The following ATXN1 variants were observed in gnomAD, a reference collection of about 807,000 sequenced individuals.
ATXN1 encodes the protein ataxin-1.
Under a neutral mutation model 56.4 loss-of-function variants are expected in ATXN1, and 8 were observed. That is an observed-to-expected ratio of 0.14 (90% CI 0.08 to 0.26). ATXN1 has a LOEUF of 0.26. Ranked by LOEUF, ATXN1 falls within the 10% of genes least tolerant of loss-of-function variation. The pLI, the probability that ATXN1 is intolerant of heterozygous loss-of-function variation, is 1.00. For synonymous variants in ATXN1, 514 were observed against 494.6 expected (o/e 1.04, Z -0.52); for missense variants, 987 against 1,106.5 (o/e 0.89, Z 1.53).
intron 3 of ATXN1, among the ~76,000 whole-genome samples, chr6:16,640,809 G>A (rs1763694743): frequency 6.6e-6 from 1 of 152,150 alleles, no homozygotes; most frequent in Non-Finnish European, 1.5e-5. Flanking sequence ...AACTAGAAAT[G>A]ATTAAGCTTA....
intron 6 of ATXN1, among the ~76,000 whole-genome samples, chr6:16,374,181 C>T (rs1174275391): frequency 7.1e-6 from 1 of 141,292 alleles, no homozygotes; most frequent in Non-Finnish European, 1.5e-5. Context: ...TAAAAAGGAA[C>T]TTACAATCCA....
chr6:16,639,007 T>C (rs1026907591), intron 3 of ATXN1, among the ~76,000 whole-genome samples: 1 of 152,218 alleles, frequency 6.6e-6, no homozygotes, highest in Non-Finnish European at 1.5e-5. Flanking sequence ...GATTGTAAAA[T>C]GCACCAATGA....
intron 2 of ATXN1, among the ~76,000 whole-genome samples, chr6:16,684,060 T>C (rs1322755919): frequency 6.6e-6 from 1 of 152,186 alleles, no homozygotes; most frequent in African/African-American, 2.4e-5. Flanking sequence ...ATCCAGCCCA[T>C]GATCACGCTT....
At chr6:16,309,382 G>A (rs945825146) in intron 7 of ATXN1, among the ~76,000 whole-genome samples, 1 of 151,994 alleles carries the variant, frequency 6.6e-6, no homozygotes, top group African/African-American at 2.4e-5. Flanking sequence ...TTCAGGAACT[G>A]GATTCTCTAA....
intron 2 of ATXN1, among the ~76,000 whole-genome samples, chr6:16,749,623 T>C (rs1366498684): frequency 6.6e-6 from 1 of 152,058 alleles, no homozygotes; most frequent in East Asian, 1.9e-4. Flanking sequence ...ACCCAACTCC[T>C]CCAGCCACCC....
chr6:16,514,409 G>C (rs1329652197), intron 5 of ATXN1, among the ~76,000 whole-genome samples: 2 of 152,186 alleles, frequency 1.3e-5, no homozygotes, highest in East Asian at 3.8e-4. Flanking sequence ...GCAGGAGAGA[G>C]ACAGTTCTCA....
chr6:16,665,947 T>C (rs1489187067), intron 2 of ATXN1, among the ~76,000 whole-genome samples: 1 of 152,254 alleles, frequency 6.6e-6, no homozygotes, highest in Admixed American at 6.5e-5. Flanking sequence ...CAAATCAAGG[T>C]ATTTGGGATA....
chr6:16,497,654 T>A (rs1313974153), intron 5 of ATXN1, among the ~76,000 whole-genome samples: 2 of 152,182 alleles, frequency 1.3e-5, no homozygotes, highest in South Asian at 2.1e-4. Context: ...TTGGTGACAG[T>A]GCAATGGACG....
In ATXN1 at chr6:16,306,767, A is replaced by G; in HGVS notation, c.2010T>C (p.Asp670=). Residue 670 remains aspartate, a synonymous_variant, in exon 8 of 8, where the codon GAT becomes GAC. Transcript: ENST00000436367. This position sits in a 1 kb window ranked among gnomAD's most constrained non-coding sequence, Gnocchi z 5.2. ...CAACTGAGAGTTTGGAACACGGCAA[A>G]TCAAAGAGCTGGCTGGTTCTCTCCG... The part of the protein sequence containing the change: ...CCPERTSQLF[D]LPCSKLSVGD... The G allele has an allele frequency of 2.5e-6, 4 of 1,614,134 alleles. No homozygotes were observed. The highest frequency in any genetic ancestry group is 3.4e-6 in the Non-Finnish European group (4 of 1,180,000).
chr6:16,519,953 G>A (rs956503890), intron 5 of ATXN1, among the ~76,000 whole-genome samples: 6 of 152,190 alleles, frequency 3.9e-5, no homozygotes, highest in Non-Finnish European at 7.3e-5. Flanking sequence ...GATAAGGTGG[G>A]AAATAAAAGA....
At chr6:16,705,562 C>T (rs1049050105) in intron 2 of ATXN1, among the ~76,000 whole-genome samples, 5 of 152,178 alleles carry the variant, frequency 3.3e-5, no homozygotes, top group East Asian at 1.9e-4. Flanking sequence ...CACTACCCCC[C>T]TCTCATTCAC....
chr6:16,353,453 T>C (rs1366689989), intron 6 of ATXN1, among the ~76,000 whole-genome samples: 1 of 152,072 alleles, frequency 6.6e-6, no homozygotes, highest in African/African-American at 2.4e-5. Context: ...GGTGGGCGGA[T>C]CTTGGGGTCA....
chr6:16,545,652 A>G (rs1761801947), intron 4 of ATXN1, among the ~76,000 whole-genome samples: 1 of 152,232 alleles, frequency 6.6e-6, no homozygotes, highest in African/African-American at 2.4e-5. Flanking sequence ...CTAACAAGAG[A>G]ACACTGGAAT....
At chr6:16,361,762 G>C (rs2113475909) in intron 6 of ATXN1, among the ~76,000 whole-genome samples, 1 of 152,218 alleles carries the variant, frequency 6.6e-6, no homozygotes, top group East Asian at 1.9e-4. Context: ...TAATTCAGTT[G>C]TCTGGCTTGA....
At chr6:16,538,572 T>C (rs1292468211) in intron 4 of ATXN1, among the ~76,000 whole-genome samples, 4 of 151,404 alleles carry the variant, frequency 2.6e-5, no homozygotes, top group South Asian at 2.1e-4. Flanking sequence ...CCTAATGCTA[T>C]CCTTCCCCCC....
In ATXN1 at chr6:16,526,064, T is replaced by TATATATATATATATATATATACACAC. The variant is rs370698828; in HGVS notation, c.-360-3377_-360-3376insGTGTGTATATATATATATATATATAT. ...ATCTATATATATATATATATATATATACATACATACAATCTATTTATAATG... is the reference window on the plus strand; with the variant it reads ...ATCTATATATATATATATATATATATATATATATATATATATATATACACACACATACATACAATCTATTTATAATG... On this transcript the variant is annotated intron_variant, in intron 4 of 7. Coordinates refer to ENST00000436367, the MANE Select transcript of ATXN1 (RefSeq NM_001128164.2). 1.2e-4 allele frequency among the ~76,000 whole-genome samples: 16 copies of TATATATATATATATATATATACACAC among 133,304 alleles called. No homozygotes were observed. The East Asian group carries it at 2.7e-3, about 22-fold the overall frequency. The allele number at this position is 133,304 out of a possible 152,430, so 87.5% of individuals were successfully genotyped here.
intron 5 of ATXN1, among the ~76,000 whole-genome samples, chr6:16,511,224 AG>A: frequency 6.6e-6 from 1 of 152,286 alleles, no homozygotes; most frequent in East Asian, 1.9e-4. Flanking sequence ...AAGGGGTGGA[AG>A]CTGGGGAAAG....
chr6:16,662,343 T>TAC (rs1758336923), intron 2 of ATXN1, among the ~76,000 whole-genome samples: 3 of 152,340 alleles, frequency 2.0e-5, no homozygotes, highest in South Asian at 4.1e-4. Flanking sequence ...TTCTTTTTTT[T>TAC]TTTTTTGAAA....
intron 2 of ATXN1, among the ~76,000 whole-genome samples, chr6:16,726,032 C>T (rs1759841233): frequency 6.6e-6 from 1 of 152,194 alleles, no homozygotes; most frequent in African/African-American, 2.4e-5. Context: ...AACTCAATCA[C>T]CATATTAAGA....
Sources: allele counts gnomAD v4.1 joint callset (sites outside exome capture counted in the v4.1 genomes callset), GRCh38; gene constraint gnomAD v4.1.1; non-coding constraint Gnocchi (gnomAD v3.1); transcripts MANE v1.5; gene names NCBI Gene and HGNC (gene_info 2026-07-23, HGNC 2026-07-21).